RBFOX1: variants seen among roughly 807,000 people sequenced by gnomAD.
RBFOX1 encodes the protein RNA binding fox-1 homolog 1, also known as RNA binding protein fox-1 homolog 1.
A neutral mutation model predicts 57.7 loss-of-function variants in RBFOX1; 8 were observed. That is an observed-to-expected ratio of 0.14 (90% CI 0.08 to 0.25). The LOEUF is 0.25. Ranked by LOEUF, RBFOX1 falls within the 10% of genes least tolerant of loss-of-function variation. RBFOX1 has a pLI of 1.00. For missense variants in RBFOX1, 611 were observed against 548.5 expected, an observed-to-expected ratio of 1.11 and a Z score of -1.14; for synonymous variants, 326 against 222.4, an observed-to-expected ratio of 1.47 and a Z score of -4.15.
At chr16:7,660,467 C>G (rs1436861107) in intron 12 of RBFOX1, among the ~76,000 whole-genome samples, 1 of 152,176 alleles carries the variant, frequency 6.6e-6, no homozygotes, top group African/African-American at 2.4e-5. Flanking sequence ...CCCTGCATAT[C>G]TTATATTTTA....
At chr16:7,140,058 C>A (rs773803077) in intron 4 of RBFOX1, among the ~76,000 whole-genome samples, 1 of 151,776 alleles carries the variant, frequency 6.6e-6, no homozygotes, top group Admixed American at 6.6e-5. Context: ...GAATATTAGC[C>A]AAAGAATGGT....
chr16:5,242,784 C>A (rs186145891), intron 1 of RBFOX1, among the ~76,000 whole-genome samples: 1,875 of 152,056 alleles, frequency 0.012, 18 homozygotes, highest in Middle Eastern at 0.027. Flanking sequence ...CATCACCAGG[C>A]CTGGTGCTCT....
intron 2 of RBFOX1, among the ~76,000 whole-genome samples, chr16:6,422,021 G>A (rs143171401): frequency 0.014 from 2,008 of 146,590 alleles, 45 homozygotes; most frequent in African/African-American, 0.046. Context: ...CCAGGATTCA[G>A]GCAATTCTCC....
At chr16:7,684,059 ATTTCAT>A (rs1270123651) in intron 14 of RBFOX1, among the ~76,000 whole-genome samples, 1 of 152,112 alleles carries the variant, frequency 6.6e-6, no homozygotes, top group African/African-American at 2.4e-5. Context: ...AGTGTCTAAT[ATTTCAT>A]TTTAAGTTAT....
intron 2 of RBFOX1, among the ~76,000 whole-genome samples, chr16:6,555,949 A>T (rs911367325): frequency 2.0e-5 from 3 of 152,128 alleles, no homozygotes; most frequent in African/African-American, 7.2e-5. Context: ...GATCGACTCT[A>T]TTCTGGCATT....
chr16:7,081,356 C>A (rs1372470913), intron 4 of RBFOX1, among the ~76,000 whole-genome samples: 6 of 152,120 alleles, frequency 3.9e-5, no homozygotes, highest in Non-Finnish European at 7.4e-5. Flanking sequence ...TATTAACATG[C>A]AGAACATGGT....
At chr16:6,512,283 C>CAAAAAAAAAAAAAAAAAAAAAAAAAAAAA (rs565248640) in intron 2 of RBFOX1, among the ~76,000 whole-genome samples, 30 of 86,918 alleles carry the variant, frequency 3.5e-4, no homozygotes, top group African/African-American at 7.9e-4. Context: ...GACCCTGTAT[C>CAAAAAAAAAAAAAAAAAAAAAAAAAAAAA]AAAAAAAAAA....
chr16:5,807,589 A>G (rs1447125074), intron 3 of RBFOX1, among the ~76,000 whole-genome samples: 1 of 152,354 alleles, frequency 6.6e-6, no homozygotes, highest in African/African-American at 2.4e-5. Flanking sequence ...ATAGGTAACC[A>G]CACAAGTGTA....
chr16:7,430,700 C>G (rs2098670898), intron 4 of RBFOX1, among the ~76,000 whole-genome samples: 1 of 150,770 alleles, frequency 6.6e-6, no homozygotes, highest in South Asian at 2.1e-4. Flanking sequence ...TGTGTTTCAT[C>G]AAGAGTTGCC....
At chr16:5,602,466 G>T (rs1329386263), downstream of RBFOX1, among the ~76,000 whole-genome samples, 3 of 152,178 alleles carry the variant, frequency 2.0e-5, no homozygotes, top group Admixed American at 1.3e-4. Context: ...CCAATTCCAA[G>T]CTGCTGCTAG....
chr16:5,643,260 C>T (rs995436974), intron 3 of RBFOX1, among the ~76,000 whole-genome samples: 1 of 152,186 alleles, frequency 6.6e-6, no homozygotes, highest in Non-Finnish European at 1.5e-5. Context: ...TAGACTGCCT[C>T]TTTGTAAAAA....
chr16:6,146,379 T>G (rs1170510666), intron 1 of RBFOX1, among the ~76,000 whole-genome samples: 1 of 152,220 alleles, frequency 6.6e-6, no homozygotes, highest in Admixed American at 6.5e-5. Context: ...AAATTGTAGA[T>G]CAGCTGTTTT....
At chr16:5,980,618 G>A (rs2060152842) in intron 4 of RBFOX1, among the ~76,000 whole-genome samples, 1 of 152,118 alleles carries the variant, frequency 6.6e-6, no homozygotes, top group African/African-American at 2.4e-5. Flanking sequence ...TGGTGACTTT[G>A]GAGGGGATTT....
intron 6 of RBFOX1, among the ~76,000 whole-genome samples, chr16:7,582,625 G>A (rs922160902): frequency 1.3e-5 from 2 of 152,082 alleles, no homozygotes; most frequent in Non-Finnish European, 2.9e-5. Flanking sequence ...ATTTAGGAGG[G>A]TTTCCTCTTT....
chr16:5,585,970 A>G (rs1326022726), intron 2 of RBFOX1, among the ~76,000 whole-genome samples: 2 of 152,208 alleles, frequency 1.3e-5, no homozygotes, highest in East Asian at 1.9e-4. Flanking sequence ...TACAGATGGA[A>G]TAAATTCAGG....
intron 3 of RBFOX1, 136 bp downstream of exon 3, chr16:6,654,786 C>G (rs2098634697): frequency 1.7e-6 from 1 of 600,336 alleles, no homozygotes; most frequent in South Asian, 3.1e-5. Context: ...TAAAGACAAT[C>G]AGACTTAAAA....
chr16:6,889,970 CAGG>C (rs1265432549), intron 3 of RBFOX1, among the ~76,000 whole-genome samples: 3 of 152,172 alleles, frequency 2.0e-5, no homozygotes, highest in African/African-American at 7.2e-5. Context: ...ACTAGAATTC[CAGG>C]AGACCAATGT....
chr16:7,092,692 C>G (rs953729270), intron 4 of RBFOX1, among the ~76,000 whole-genome samples: 1 of 152,138 alleles, frequency 6.6e-6, no homozygotes, highest in Non-Finnish European at 1.5e-5. Flanking sequence ...GGTACTGCGC[C>G]TTGGGGGACG....
chr16:7,480,453 A>G (rs941504106), intron 4 of RBFOX1, among the ~76,000 whole-genome samples: 1 of 152,216 alleles, frequency 6.6e-6, no homozygotes, highest in Non-Finnish European at 1.5e-5. Context: ...TGCAATAGAC[A>G]TTTGAGAACA....
Sources: gnomAD v4.1 joint callset for allele counts (sites outside exome capture counted in the v4.1 genomes callset) on GRCh38, gnomAD v4.1.1 for gene constraint, MANE v1.5 for transcripts, NCBI Gene and HGNC (gene_info 2026-07-23, HGNC 2026-07-21) for gene names.